Variants in UNC5D observed in about 807,000 individuals in gnomAD.
The protein encoded by UNC5D is netrin receptor UNC5D.
UNC5D carries 39 observed loss-of-function variants against 105.4 expected under a neutral mutation model. That is an observed-to-expected ratio of 0.37 (90% CI 0.29 to 0.48). UNC5D has a LOEUF of 0.48. UNC5D is among the 20% of genes least tolerant of loss of function. The pLI, the probability that UNC5D is intolerant of heterozygous loss-of-function variation, is 0.98. For missense variants in UNC5D, 991 were observed against 1,202.4 expected, an observed-to-expected ratio of 0.82 and a Z score of 2.60; for synonymous variants, 452 against 450.4, an observed-to-expected ratio of 1.00 and a Z score of -0.04.
At chr8:35,343,909 A>G (rs1333880685) in intron 1 of UNC5D, among the ~76,000 whole-genome samples, 2 of 152,130 alleles carry the variant, frequency 1.3e-5, no homozygotes, top group Non-Finnish European at 2.9e-5. Flanking sequence ...TTATTAACCT[A>G]TACGAGAATG....
chr8:35,747,942 A>C (rs1830083247), intron 11 of UNC5D, among the ~76,000 whole-genome samples: 1 of 152,262 alleles, frequency 6.6e-6, no homozygotes, highest in South Asian at 2.1e-4. Context: ...GCACACTTGT[A>C]GCTGTCTACT....
intron 15 of UNC5D, among the ~76,000 whole-genome samples, chr8:35,769,561 T>C (rs1185465466): frequency 6.6e-6 from 1 of 152,228 alleles, no homozygotes; most frequent in East Asian, 1.9e-4. Context: ...TACATGTAGC[T>C]CTGCCTACAA....
At chr8:35,412,238 G>A (rs1585782028) in intron 1 of UNC5D, among the ~76,000 whole-genome samples, 2 of 151,982 alleles carry the variant, frequency 1.3e-5, no homozygotes, top group African/African-American at 4.8e-5. Flanking sequence ...CCTCCATTGG[G>A]CACCAGTTAG....
intron 1 of UNC5D, among the ~76,000 whole-genome samples, chr8:35,507,856 A>G (rs532329751): frequency 6.6e-6 from 1 of 152,282 alleles, no homozygotes; most frequent in Non-Finnish European, 1.5e-5. Context: ...CTGGATCAAA[A>G]CATCTCATGT....
At chr8:35,538,411 A>G (rs1411821159) in intron 1 of UNC5D, among the ~76,000 whole-genome samples, 20 of 49,148 alleles carry the variant, frequency 4.1e-4, no homozygotes, top group Non-Finnish European at 5.4e-4. Flanking sequence ...ATATATATAT[A>G]TATATATATA....
chr8:35,372,711 C>A (rs2128926139), intron 1 of UNC5D, among the ~76,000 whole-genome samples: 1 of 152,116 alleles, frequency 6.6e-6, no homozygotes, highest in Non-Finnish European at 1.5e-5. Context: ...TGAAGAAATT[C>A]TTTTACCTCA....
chr8:35,560,306 G>A (rs1036728895), intron 2 of UNC5D, among the ~76,000 whole-genome samples: 3 of 152,170 alleles, frequency 2.0e-5, no homozygotes, highest in Non-Finnish European at 2.9e-5. Context: ...GTAAATAGCC[G>A]TTTCTGCAGG....
chr8:35,555,872 AC>A (rs1392438098), intron 2 of UNC5D, among the ~76,000 whole-genome samples: 2 of 131,662 alleles, frequency 1.5e-5, no homozygotes, highest in Admixed American at 8.4e-5. Context: ...CTATAAAAAA[AC>A]AGCACACACA....
chr8:35,749,552 G>T (rs1830164438), intron 12 of UNC5D, among the ~76,000 whole-genome samples: 1 of 152,118 alleles, frequency 6.6e-6, no homozygotes, highest in South Asian at 2.1e-4. Context: ...TGCTACAATG[G>T]ATTACCTTTA....
At chr8:35,661,919 G>A (rs187694415) in intron 4 of UNC5D, among the ~76,000 whole-genome samples, 7 of 152,228 alleles carry the variant, frequency 4.6e-5, no homozygotes, top group Non-Finnish European at 8.8e-5. Context: ...GAGCAAGAGG[G>A]TACATTCCAC....
chr8:35,398,450 C>T (rs181317343), intron 1 of UNC5D, among the ~76,000 whole-genome samples: 15 of 152,204 alleles, frequency 9.9e-5, no homozygotes, highest in Admixed American at 2.0e-4. Context: ...TTATAGCCAG[C>T]ACCCTACAGA....
intron 1 of UNC5D, among the ~76,000 whole-genome samples, chr8:35,353,822 G>T (rs1374081611): frequency 1.3e-5 from 2 of 152,102 alleles, no homozygotes; most frequent in African/African-American, 2.4e-5. Context: ...GCACATACAC[G>T]TGTATAAAAT....
chr8:35,392,666 C>T (rs192749541), intron 1 of UNC5D, among the ~76,000 whole-genome samples: 62 of 152,276 alleles, frequency 4.1e-4, no homozygotes, highest in African/African-American at 1.3e-3. Flanking sequence ...AAAGTCACAT[C>T]GGCAAAGTCC....
intron 8 of UNC5D, chr8:35,721,371 A>T (rs1206876180): frequency 5.7e-6 from 4 of 702,106 alleles, no homozygotes; most frequent in Non-Finnish European, 1.0e-5. Flanking sequence ...AAGCAGCTAT[A>T]GCACATCTTG....
chr8:35,247,648 T>C (rs1271718427), intron 1 of UNC5D, among the ~76,000 whole-genome samples: 1 of 55,690 alleles, frequency 1.8e-5, no homozygotes, highest in Non-Finnish European at 2.9e-5. Context: ...TAAATATATA[T>C]TATATATAAA....
Position 35,794,643 on chromosome 8 carries a change from G to A in UNC5D, c.*4080G>A, listed in dbSNP as rs186216587. 6.6e-6 allele frequency: 1 copy of A among 152,622 alleles called. No homozygotes were observed. Among genetic ancestry groups the A allele is most frequent in the African/African-American group, 2.4e-5 (1 of 41,436 alleles). 9.5% of individuals were successfully genotyped at this position (152,622 alleles called of 1,614,324 possible). A position where few individuals can be genotyped will look rare whatever the true frequency, so the allele number is the denominator to read the frequency against. On this transcript the variant is annotated 3_prime_UTR_variant, in exon 17 of 17. Coordinates refer to ENST00000404895, the MANE Select transcript of UNC5D (RefSeq NM_080872.4). ...ATGTATTTTGTCCAATGTCACAAAAGTGAAAATGTTACTAATCTTAGATGT... is the reference window on the plus strand; with the variant it reads ...ATGTATTTTGTCCAATGTCACAAAAATGAAAATGTTACTAATCTTAGATGT...
chr8:35,479,218 A>G (rs941106151), intron 1 of UNC5D, among the ~76,000 whole-genome samples: 1 of 152,118 alleles, frequency 6.6e-6, no homozygotes, highest in South Asian at 2.1e-4. Context: ...AATTTCTAAT[A>G]AATCGTTAGC....
At chr8:35,563,364 G>T (rs571122890) in intron 2 of UNC5D, among the ~76,000 whole-genome samples, 26 of 121,596 alleles carry the variant, frequency 2.1e-4, no homozygotes, top group South Asian at 9.9e-4. Context: ...TGTGGGGGGT[G>T]GGGGGGTGGG....
rs2131817787 is a variant in UNC5D at position 35,790,709 on chromosome 8, T to G, written c.*146T>G. ...GATTCCCCTGTTGAAGAAACTAAAT[T>G]TTATATAGGTAAAACATGTTAATAG... On this transcript the variant is annotated 3_prime_UTR_variant, in exon 17 of 17. Coordinates refer to ENST00000404895, the MANE Select transcript of UNC5D (RefSeq NM_080872.4). 1 of 791,166 alleles carries G rather than the reference T, an allele frequency of 1.3e-6. No individual in the cohort carries two copies. Among genetic ancestry groups the G allele is most frequent in the Non-Finnish European group, 2.0e-6 (1 of 495,264 alleles). The allele number at this position is 791,166 out of a possible 1,614,324, so 49.0% of individuals were successfully genotyped here.
Sources: gnomAD v4.1 joint callset for allele counts (sites outside exome capture counted in the v4.1 genomes callset) on GRCh38, gnomAD v4.1.1 for gene constraint, MANE v1.5 for transcripts, NCBI Gene and HGNC (gene_info 2026-07-23, HGNC 2026-07-21) for gene names.